SAMMSON: variants seen among roughly 807,000 people sequenced by gnomAD.
SAMMSON encodes the protein survival associated mitochondrial melanoma specific oncogenic non-coding RNA.
intron 3 of SAMMSON, among the ~76,000 whole-genome samples, chr3:70,024,078 C>T (rs1206323928): frequency 2.0e-5 from 3 of 152,138 alleles, no homozygotes; most frequent in African/African-American, 4.8e-5. Flanking sequence ...ACTAGCAGGT[C>T]TACGCAATTC....
chr3:70,235,218 C>T (rs1036680581), intron 4 of SAMMSON, among the ~76,000 whole-genome samples: 7 of 152,140 alleles, frequency 4.6e-5, no homozygotes, highest in East Asian at 3.9e-4. Context: ...CTTCATCAAC[C>T]GTCGTTCTCT....
chr3:70,047,588 C>A (rs1311978804), intron 3 of SAMMSON, among the ~76,000 whole-genome samples: 1 of 152,168 alleles, frequency 6.6e-6, no homozygotes, highest in East Asian at 1.9e-4. Flanking sequence ...CCCACCTTGG[C>A]CTCTCAAAGT....
intron 7 of SAMMSON, among the ~76,000 whole-genome samples, chr3:70,337,665 T>A (rs1208356090): frequency 6.6e-6 from 1 of 151,960 alleles, no homozygotes; most frequent in African/African-American, 2.4e-5. Context: ...TCCTAGGGTA[T>A]GGACTTATAC....
At chr3:70,079,070 C>T (rs778113713) in intron 4 of SAMMSON, among the ~76,000 whole-genome samples, 34 of 152,064 alleles carry the variant, frequency 2.2e-4, no homozygotes, top group African/African-American at 7.2e-4. Flanking sequence ...CAACAGAGAC[C>T]GCAAAGCAGA....
intron 6 of SAMMSON, among the ~76,000 whole-genome samples, chr3:70,257,749 T>C (rs747047279): frequency 7.9e-5 from 12 of 152,198 alleles, no homozygotes; most frequent in Non-Finnish European, 1.5e-4. Flanking sequence ...AAATGACTTA[T>C]GTATTCAGTG....
intron 3 of SAMMSON, among the ~76,000 whole-genome samples, chr3:70,056,557 C>G (rs1020673947): frequency 9.9e-5 from 15 of 151,860 alleles, no homozygotes; most frequent in African/African-American, 3.6e-4. Flanking sequence ...GTTTCTCTCT[C>G]TCTCTCTCTC....
At chr3:70,419,230 G>T (rs2106773330) in intron 2 of SAMMSON, among the ~76,000 whole-genome samples, 1 of 151,348 alleles carries the variant, frequency 6.6e-6, no homozygotes, top group South Asian at 2.1e-4. Flanking sequence ...ATAGGGTTTT[G>T]CCATGTGGCC....
intron 3 of SAMMSON, among the ~76,000 whole-genome samples, chr3:70,020,815 G>A (rs913938863): frequency 6.6e-6 from 1 of 152,054 alleles, no homozygotes; most frequent in East Asian, 1.9e-4. Context: ...ATCATTCCAC[G>A]TCATCTTCCC....
intron 6 of SAMMSON, among the ~76,000 whole-genome samples, chr3:70,268,941 A>C (rs1237311265): frequency 6.6e-6 from 1 of 152,148 alleles, no homozygotes. Context: ...AAGCAATTAA[A>C]ATTTAGTGCT....
At chr3:70,405,408 C>A (rs912524197) in intron 2 of SAMMSON, among the ~76,000 whole-genome samples, 1 of 152,038 alleles carries the variant, frequency 6.6e-6, no homozygotes, top group African/African-American at 2.4e-5. Context: ...GTAGAAGAAG[C>A]AGGAAAATGT....
chr3:70,394,076 G>A (rs1471979856), downstream of SAMMSON, among the ~76,000 whole-genome samples: 1 of 152,142 alleles, frequency 6.6e-6, no homozygotes, highest in Admixed American at 6.5e-5. Context: ...AGGAACTGTT[G>A]AGAGCTCTTT....
intron 4 of SAMMSON, among the ~76,000 whole-genome samples, chr3:70,193,691 T>C (rs1701148708): frequency 6.6e-6 from 1 of 152,200 alleles, no homozygotes; most frequent in Non-Finnish European, 1.5e-5. Context: ...TCAGAGTCTA[T>C]AGTTTGTGTG....
chr3:70,319,252 G>C (rs1407700110), intron 7 of SAMMSON, among the ~76,000 whole-genome samples: 1 of 151,972 alleles, frequency 6.6e-6, no homozygotes, highest in Non-Finnish European at 1.5e-5. Flanking sequence ...ACTAAATTTG[G>C]GTTTCACCTT....
chr3:70,064,253 A>G (rs757146076), intron 3 of SAMMSON, among the ~76,000 whole-genome samples: 1 of 152,148 alleles, frequency 6.6e-6, no homozygotes, highest in Non-Finnish European at 1.5e-5. Context: ...GTTTCTGTCT[A>G]TTGTGCTGTC....
At chr3:70,196,296 A>G (rs540348663) in intron 4 of SAMMSON, among the ~76,000 whole-genome samples, 20 of 152,330 alleles carry the variant, frequency 1.3e-4, no homozygotes, top group African/African-American at 3.8e-4. Context: ...CTCTTGAAGT[A>G]CACCATATTC....
At chr3:70,236,149 C>T (rs1701606548) in intron 4 of SAMMSON, among the ~76,000 whole-genome samples, 1 of 152,162 alleles carries the variant, frequency 6.6e-6, no homozygotes, top group African/African-American at 2.4e-5. Context: ...CTTATTCATT[C>T]TTCAACTCTC....
chr3:70,405,107 G>C (rs1457144784), intron 2 of SAMMSON, among the ~76,000 whole-genome samples: 2 of 152,124 alleles, frequency 1.3e-5, no homozygotes, highest in African/African-American at 4.8e-5. Context: ...AGATACTCAA[G>C]TTTGAACCAA....
At chr3:70,433,532 A>G (rs1701433034) in intron 2 of SAMMSON, among the ~76,000 whole-genome samples, 2 of 152,060 alleles carry the variant, frequency 1.3e-5, no homozygotes, top group Non-Finnish European at 2.9e-5. Flanking sequence ...GAGTTTTAAA[A>G]GTTCTTTTTA....
At chr3:70,254,036 G>C (rs938232227) in intron 6 of SAMMSON, among the ~76,000 whole-genome samples, 1 of 152,114 alleles carries the variant, frequency 6.6e-6, no homozygotes, top group African/African-American at 2.4e-5. Context: ...TTATGAATCT[G>C]TACAGTTTGA....
Sources: gnomAD v4.1 joint callset for allele counts (sites outside exome capture counted in the v4.1 genomes callset) on GRCh38, gnomAD v4.1.1 for gene constraint, MANE v1.5 for transcripts, NCBI Gene and HGNC (gene_info 2026-07-23, HGNC 2026-07-21) for gene names.